UHMK1: variants seen among roughly 807,000 people sequenced by gnomAD.
UHMK1 encodes the protein serine/threonine-protein kinase Kist.
UHMK1 carries 18 observed loss-of-function variants against 44.0 expected under a neutral mutation model. That is an observed-to-expected ratio of 0.41 (90% CI 0.28 to 0.61). UHMK1 has a LOEUF of 0.61. Ranked by LOEUF, UHMK1 falls within the 20% of genes least tolerant of loss-of-function variation. The pLI, the probability that UHMK1 is intolerant of heterozygous loss-of-function variation, is 0.31. For synonymous variants in UHMK1, 231 were observed against 198.5 expected (o/e 1.16, Z -1.38); for missense variants, 463 against 522.5 (o/e 0.89, Z 1.11).
chr1:162,498,184 A>G lies in UHMK1; in HGVS notation c.184A>G (p.Thr62Ala), dbSNP rs1651129438. The G allele has an allele frequency of 5.6e-6, 9 of 1,612,946 alleles. No individual in the cohort carries two copies. Among genetic ancestry groups the G allele is most frequent in the Non-Finnish European group, 7.6e-6 (9 of 1,179,454 alleles). ...ALKQFLPPGT[T>A]GAAASAAEYG... Reference sequence around the variant, plus strand: ...CAAGCAGTTCTTGCCGCCAGGAACCACCGGGGCTGCGGCCTCTGCCGCCGA... The same window carrying G: ...CAAGCAGTTCTTGCCGCCAGGAACCGCCGGGGCTGCGGCCTCTGCCGCCGA... Residue 62 changes from threonine to alanine, a missense_variant, in exon 1 of 8, where the codon ACC (threonine) becomes GCC (alanine). Physicochemically the swap from Thr to Ala is moderately conservative, Grantham distance 58. Coordinates refer to ENST00000489294, the MANE Select transcript of UHMK1 (RefSeq NM_175866.5).
Position 162,498,168 on chromosome 1 carries a change from C to A in UHMK1, c.168C>A (p.Phe56Leu). The change falls in exon 1 of 8, where the codon TTC becomes TTA. Residue 56 changes from phenylalanine to leucine, a missense_variant. Phe to Leu is a conservative substitution (Grantham distance 22). This residue lies in a region of UHMK1 where 191 missense variants were observed against 176.0 expected (regional missense o/e 1.09). Transcript: ENST00000489294. ...CGCCCCCCGGCGCCCTCAAGCAGTT[C>A]TTGCCGCCAGGAACCACCGGGGCTG... ...PGSPPGALKQ[F>L]LPPGTTGAAA... 1 of 1,613,162 alleles carries A rather than the reference C, an allele frequency of 6.2e-7. No homozygotes were observed. The highest frequency in any genetic ancestry group is 8.5e-7 in the Non-Finnish European group (1 of 1,179,638).
At position 162,500,012 on chromosome 1, in the gene UHMK1, T is replaced by C; in HGVS notation, c.326T>C (p.Leu109Pro). The change falls in exon 2 of 8, where the codon CTG (leucine) becomes CCG (proline). Residue 109 changes from leucine (L) to proline (P), a missense_variant. By Grantham distance (98) the Leu-to-Pro change is moderately conservative. Around this residue, in one of 3 missense-constraint regions of UHMK1, gnomAD observed 191 missense variants for 176.0 expected, o/e 1.09. Coordinates refer to ENST00000489294, the MANE Select transcript of UHMK1 (RefSeq NM_175866.5). ...HFSPNVPSRC[L>P]LLELLDVSVS... is the part of the protein sequence containing the mutation. Reference sequence around the variant, plus strand: ...TCTCCAAATGTGCCATCACGCTGTCTGTTGCTTGAACTCCTGGATGTCAGT... The same window carrying C: ...TCTCCAAATGTGCCATCACGCTGTCCGTTGCTTGAACTCCTGGATGTCAGT... 6.2e-7 allele frequency: 1 copy of C among 1,614,258 alleles called. No homozygotes were observed. The highest frequency in any genetic ancestry group is 1.1e-5 in the South Asian group (1 of 91,088).
chr1:162,519,882 T>C (rs910196532), intron 7 of UHMK1, among the ~76,000 whole-genome samples: 1 of 152,138 alleles, frequency 6.6e-6, no homozygotes, highest in African/African-American at 2.4e-5. Flanking sequence ...TGAAGTCATC[T>C]CTGGTGGTGG....
In UHMK1 at chr1:162,528,219, G is replaced by A. The variant is rs975087872; in HGVS notation, c.*5669G>A. On this transcript the variant is annotated 3_prime_UTR_variant, in exon 8 of 8. Transcript: ENST00000489294. ...ATTTTATTAGCTTGGGTTGTCAGAA[G>A]ATTGCCAATTTTAAGAGTAAAGAGG... The A allele has an allele frequency of 3.3e-5, 5 of 152,070 alleles. No homozygotes were observed. The East Asian group carries it at 5.8e-4, about 18-fold the overall frequency. 9.4% of individuals were successfully genotyped at this position (152,070 alleles called of 1,614,324 possible).
chr1:162,517,778 G>A (rs1006341705), intron 6 of UHMK1, among the ~76,000 whole-genome samples: 5 of 152,048 alleles, frequency 3.3e-5, no homozygotes, highest in African/African-American at 9.6e-5. Flanking sequence ...CCAGCTACTC[G>A]GGAGGCTGAG....
chr1:162,522,852 G>A lies in UHMK1; in HGVS notation c.*302G>A. 4.5e-6 allele frequency: 1 copy of A among 219,952 alleles called. No homozygotes were observed. The highest frequency in any genetic ancestry group is 5.2e-5 in the Admixed American group (1 of 19,394). 13.6% of individuals were successfully genotyped at this position (219,952 alleles called of 1,614,324 possible). On this transcript the variant is annotated 3_prime_UTR_variant, in exon 8 of 8. Coordinates refer to ENST00000489294, the MANE Select transcript of UHMK1 (RefSeq NM_175866.5). Reference sequence around the variant, plus strand: ...CCTAAAAAAATCTTAATTATTTCATGGATCATGAAGCAAGGATGAATAATA... The same window carrying A: ...CCTAAAAAAATCTTAATTATTTCATAGATCATGAAGCAAGGATGAATAATA...
rs759779463 is a variant in UHMK1, at chr1:162,523,215, T to C, written c.*665T>C. ...TGTCTAGTATGTATGCTTGAGTGAA[T>C]GTGCGAGTATGAATGATTAGAGAAA... On this transcript the variant is annotated 3_prime_UTR_variant, in exon 8 of 8. Coordinates refer to ENST00000489294, the MANE Select transcript of UHMK1 (RefSeq NM_175866.5). The C allele has an allele frequency of 2.7e-4, 41 of 152,656 alleles. No homozygotes were observed. Among genetic ancestry groups the C allele is most frequent in the Non-Finnish European group, 1.9e-4 (13 of 68,066 alleles). 9.5% of individuals were successfully genotyped at this position (152,656 alleles called of 1,614,324 possible).
In UHMK1 at chr1:162,527,497, A is replaced by G. The variant is rs971368774; in HGVS notation, c.*4947A>G. 6.6e-6 allele frequency: 1 copy of G among 152,086 alleles called. No individual in the cohort carries two copies. The highest frequency in any genetic ancestry group is 1.5e-5 in the Non-Finnish European group (1 of 67,954). 9.4% of individuals were successfully genotyped at this position (152,086 alleles called of 1,614,324 possible). On this transcript the variant is annotated 3_prime_UTR_variant, in exon 8 of 8. Coordinates refer to ENST00000489294, the MANE Select transcript of UHMK1 (RefSeq NM_175866.5). ...ACACAAACTTTATTCTCCTGATAGG[A>G]AATTTTTATTCATTTTCCTACCACT...
Position 162,518,486 on chromosome 1 carries a change from A to G in UHMK1, c.1113+296A>G, listed in dbSNP as rs1030451296. On this transcript the variant is annotated intron_variant, in intron 7 of 7. Coordinates refer to ENST00000489294, the MANE Select transcript of UHMK1 (RefSeq NM_175866.5). ...TGAGGTGGGTGGATTACTTGAGGTT[A>G]GGAGTTCAGAGATGGTGAAGCCCTG... Among the ~76,000 whole-genome samples the G allele has an allele frequency of 2.0e-5, 3 of 149,494 alleles. No individual in the cohort carries two copies. In the East Asian group the frequency reaches 6.0e-4, roughly 30 times the overall value.
chr1:162,506,970 G>C (rs1651491976), intron 4 of UHMK1, among the ~76,000 whole-genome samples: 1 of 152,062 alleles, frequency 6.6e-6, no homozygotes, highest in African/African-American at 2.4e-5. Flanking sequence ...GATTTTGATT[G>C]TTCTGGGTCA....
intron 6 of UHMK1, among the ~76,000 whole-genome samples, chr1:162,516,339 T>G (rs1651832610): frequency 6.6e-6 from 1 of 152,098 alleles, no homozygotes; most frequent in East Asian, 1.9e-4. Flanking sequence ...CTTGTAATCT[T>G]GATAGAGGCA....
rs746277714 is a variant in UHMK1, at chr1:162,503,712, C to G, written c.754-42C>G. The G allele has an allele frequency of 4.1e-6, 6 of 1,466,856 alleles. No individual in the cohort carries two copies. In the African/African-American group the frequency reaches 8.4e-5, roughly 21 times the overall value. 90.9% of individuals were successfully genotyped at this position (1,466,856 alleles called of 1,614,324 possible). A position where few individuals can be genotyped will look rare whatever the true frequency, so the allele number is the denominator to read the frequency against. ...CTATATGCCTAGTATTCAATAAATA[C>G]AGACTGAATAACCAAAGGAAAACTT... On this transcript the variant is annotated intron_variant, in intron 3 of 7. Coordinates refer to ENST00000489294, the MANE Select transcript of UHMK1 (RefSeq NM_175866.5).
chr1:162,503,502 G>A (rs969158203), intron 3 of UHMK1, among the ~76,000 whole-genome samples: 11 of 151,212 alleles, frequency 7.3e-5, no homozygotes, highest in African/African-American at 2.7e-4. Context: ...TTCCAGCTAC[G>A]CAGGAGGCTG....
At chr1:162,516,600 G>T (rs1032459083) in intron 6 of UHMK1, among the ~76,000 whole-genome samples, 8 of 152,056 alleles carry the variant, frequency 5.3e-5, no homozygotes, top group African/African-American at 1.9e-4. Flanking sequence ...AGTATAATAA[G>T]CATTGAACAA....
intron 3 of UHMK1, among the ~76,000 whole-genome samples, chr1:162,501,793 T>TA (rs973627408): frequency 1.3e-5 from 2 of 152,078 alleles, no homozygotes; most frequent in African/African-American, 4.8e-5. Flanking sequence ...GCTTTACAGT[T>TA]AAAAAATATT....
rs1371667184 is a variant in UHMK1 at position 162,501,079 on chromosome 1, A to G, written c.728A>G (p.His243Arg). 3 of 1,614,124 alleles carry G rather than the reference A, an allele frequency of 1.9e-6. No homozygotes were observed. The South Asian group carries it at 3.3e-5, about 18-fold the overall frequency. ...ATGTTCTCAGGAATGAAACTGAAACATACAGTCAGATCTCAGGAATGGAAG... is the reference window on the plus strand; with the variant it reads ...ATGTTCTCAGGAATGAAACTGAAACGTACAGTCAGATCTCAGGAATGGAAG... ...LEMFSGMKLK[H>R]TVRSQEWKAN... The change falls in exon 3 of 8, where the codon CAT becomes CGT. Residue 243 changes from histidine to arginine, a missense_variant. His to Arg is a conservative substitution (Grantham distance 29). This residue lies in a region of UHMK1 where 264 missense variants were observed against 326.3 expected (regional missense o/e 0.81). Transcript: ENST00000489294.
chr1:162,508,197 C>T (rs928574655), intron 4 of UHMK1, among the ~76,000 whole-genome samples: 6 of 152,008 alleles, frequency 3.9e-5, no homozygotes, highest in Non-Finnish European at 5.9e-5. Context: ...CTGCAACCTC[C>T]GCCTCTCAGG....
At position 162,525,593 on chromosome 1, in the gene UHMK1, G is replaced by C. The variant is rs1652216871; in HGVS notation, c.*3043G>C. On this transcript the variant is annotated 3_prime_UTR_variant, in exon 8 of 8. Coordinates refer to ENST00000489294, the MANE Select transcript of UHMK1 (RefSeq NM_175866.5). ...TATTTACAGGACAAAAACAAGTAGA[G>C]TTGGACACCTCAGTAAGAGACAGCA... 2 of 152,204 alleles carry C rather than the reference G, an allele frequency of 1.3e-5. No individual in the cohort carries two copies. Among genetic ancestry groups the C allele is most frequent in the Admixed American group, 6.5e-5 (1 of 15,278 alleles). The allele number at this position is 152,204 out of a possible 1,614,324, so 9.4% of individuals were successfully genotyped here. A position where few individuals can be genotyped will look rare whatever the true frequency, so the allele number is the denominator to read the frequency against.
intron 2 of UHMK1, 47 bp from the exon 3 acceptor site, chr1:162,500,866 A>G: frequency 6.4e-7 from 1 of 1,560,820 alleles, no homozygotes; most frequent in South Asian, 1.2e-5. Context: ...ATGGATAGAA[A>G]GGGAGCAGCT....
Sources: gnomAD v4.1 joint callset for allele counts (sites outside exome capture counted in the v4.1 genomes callset) on GRCh38, gnomAD v4.1.1 for gene constraint, gnomAD v4.1.1 regional missense constraint, MANE v1.5 for transcripts, NCBI Gene and HGNC (gene_info 2026-07-23, HGNC 2026-07-21) for gene names.